Variants in ARHGAP40 observed in about 807,000 individuals in gnomAD.
ARHGAP40 encodes Rho GTPase activating protein 40.
In ARHGAP40, 43 loss-of-function variants were observed where a neutral mutation model predicts 73.5. The ratio of observed to expected loss-of-function variants is 0.58; its 90% confidence interval spans 0.46 to 0.75. The LOEUF is 0.75. ARHGAP40 is among the 30% of genes least tolerant of loss of function. The pLI, the probability that ARHGAP40 is intolerant of heterozygous loss-of-function variation, is 0.00. For synonymous variants in ARHGAP40, 300 were observed against 352.8 expected (o/e 0.85, Z 1.68); for missense variants, 734 against 861.8 (o/e 0.85, Z 1.86).
chr20:38,612,252 A>G (rs1601133998), intron 1 of ARHGAP40, among the ~76,000 whole-genome samples: 1 of 152,346 alleles, frequency 6.6e-6, no homozygotes, highest in East Asian at 1.9e-4. Flanking sequence ...AATCCTTAAT[A>G]TATATTTAGA....
At chr20:38,648,613 GT>G (rs200860020) in intron 13 of ARHGAP40, 29 bp from the exon 14 acceptor site, 173 of 1,071,122 alleles carry the variant, frequency 1.6e-4, no homozygotes, top group Admixed American at 4.8e-4. Flanking sequence ...AAAGGCAGTA[GT>G]TTTTTTTTTC....
intron 5 of ARHGAP40, among the ~76,000 whole-genome samples, chr20:38,631,480 T>G (rs1336270163): frequency 6.6e-6 from 1 of 152,090 alleles, no homozygotes; most frequent in Non-Finnish European, 1.5e-5. Context: ...GAAGAGAGCT[T>G]GTGCAGGGAA....
At chr20:38,630,225 T>A (rs554091668) in intron 5 of ARHGAP40, among the ~76,000 whole-genome samples, 1 of 145,014 alleles carries the variant, frequency 6.9e-6, no homozygotes, top group East Asian at 2.1e-4. Context: ...CTTTCCTTCT[T>A]TTTTTTTTCT....
At chr20:38,638,312 C>A (rs1568610541) in intron 7 of ARHGAP40, among the ~76,000 whole-genome samples, 1 of 151,918 alleles carries the variant, frequency 6.6e-6, no homozygotes, top group Non-Finnish European at 1.5e-5. Flanking sequence ...GAGACTCTCT[C>A]AAAAAATACA....
intron 1 of ARHGAP40, among the ~76,000 whole-genome samples, chr20:38,607,247 C>A (rs779118676): frequency 1.1e-4 from 16 of 152,206 alleles, no homozygotes; most frequent in African/African-American, 4.8e-5. Flanking sequence ...ATCCTCCACT[C>A]ATCATTGGGA....
exon 11 of ARHGAP40, chr20:38,643,768 ATGT>A: frequency 7.7e-7 from 1 of 1,305,858 alleles, no homozygotes; most frequent in African/African-American, 1.5e-5. Flanking sequence ...ACTCTGAGGA[ATGT>A]TTCCACCGTG....
At chr20:38,619,489 G>A (rs541854867) in intron 1 of ARHGAP40, among the ~76,000 whole-genome samples, 1 of 151,750 alleles carries the variant, frequency 6.6e-6, no homozygotes, top group Non-Finnish European at 1.5e-5. Flanking sequence ...AAAAGGGTGT[G>A]AGGAGTGGCT....
At chr20:38,622,704 G>A (rs2088879714) in intron 1 of ARHGAP40, among the ~76,000 whole-genome samples, 1 of 152,176 alleles carries the variant, frequency 6.6e-6, no homozygotes, top group African/African-American at 2.4e-5. Flanking sequence ...TGCCTGCAGA[G>A]GGTCTCCTCT....
intron 1 of ARHGAP40, among the ~76,000 whole-genome samples, chr20:38,615,678 G>A (rs2088832609): frequency 6.6e-6 from 1 of 152,162 alleles, no homozygotes; most frequent in Non-Finnish European, 1.5e-5. Context: ...GGAACATGGA[G>A]CGTGCACACA....
chr20:38,636,098 A>G (rs2088973054), intron 6 of ARHGAP40, among the ~76,000 whole-genome samples: 1 of 152,092 alleles, frequency 6.6e-6, no homozygotes, highest in Non-Finnish European at 1.5e-5. Flanking sequence ...AACTAGTCAC[A>G]TGGCCTAGCA....
chr20:38,608,733 T>G (rs2088787721), intron 1 of ARHGAP40, among the ~76,000 whole-genome samples: 1 of 152,132 alleles, frequency 6.6e-6, no homozygotes, highest in South Asian at 2.1e-4. Context: ...ACAAATTTAG[T>G]GGCTGAAACA....
rs370131123 is a variant in ARHGAP40 at position 38,614,480 on chromosome 20, G to A, written c.138-8879G>A. Reference sequence around the variant, plus strand: ...CTCTGTGACCCATCTCTATAGGAGCGTCTAAATTTAGCCCAAGAAATCAGG... The same window carrying A: ...CTCTGTGACCCATCTCTATAGGAGCATCTAAATTTAGCCCAAGAAATCAGG... On this transcript the variant is annotated intron_variant, in intron 1 of 14. Coordinates refer to ENST00000373345, the Ensembl canonical transcript of ARHGAP40. Among the ~76,000 whole-genome samples the A allele has an allele frequency of 4.6e-5, 7 of 151,962 alleles. No homozygotes were observed. The South Asian group carries it at 8.3e-4, about 18-fold the overall frequency.
At chr20:38,640,583 C>A (rs2089012204) in intron 9 of ARHGAP40, among the ~76,000 whole-genome samples, 1 of 152,160 alleles carries the variant, frequency 6.6e-6, no homozygotes, top group East Asian at 1.9e-4. Flanking sequence ...CCCTCCACAG[C>A]ACTCTTGTAA....
At chr20:38,628,002 G>A (rs1442673483) in intron 3 of ARHGAP40, among the ~76,000 whole-genome samples, 3 of 152,214 alleles carry the variant, frequency 2.0e-5, no homozygotes, top group Non-Finnish European at 4.4e-5. Flanking sequence ...TAATACAGTG[G>A]CGTGACTGCT....
rs757956605 is a variant in ARHGAP40 at position 38,646,043 on chromosome 20, C to A, written c.1570-4C>A. On this transcript the variant is annotated splice_polypyrimidine_tract_variant and splice_region_variant and intron_variant, in intron 11 of 14. Transcript: ENST00000373345. The surrounding 1 kb of genome is among the most constrained non-coding windows in gnomAD (Gnocchi z 4.5). ...CCTGCCAAAACTTGATCCTTTCTGG[C>A]CAGGTCGCCTCTTTCCTGGTCGCCC... 1 of 1,302,304 alleles carries A rather than the reference C, an allele frequency of 7.7e-7. No homozygotes were observed. The highest frequency in any genetic ancestry group is 1.2e-5 in the South Asian group (1 of 80,680). 80.7% of individuals were successfully genotyped at this position (1,302,304 alleles called of 1,614,324 possible).
intron 1 of ARHGAP40, among the ~76,000 whole-genome samples, chr20:38,602,866 G>T (rs893318443): frequency 3.3e-5 from 5 of 152,194 alleles, no homozygotes; most frequent in Non-Finnish European, 5.9e-5. Context: ...TGGCCTGCCA[G>T]GATCCAACTT....
At chr20:38,641,137 G>A (rs910025051) in intron 9 of ARHGAP40, among the ~76,000 whole-genome samples, 1 of 152,020 alleles carries the variant, frequency 6.6e-6, no homozygotes, top group African/African-American at 2.4e-5. Flanking sequence ...ATATGGGGTC[G>A]CAGGCCTGGC....
rs745413373 is a variant in ARHGAP40, at chr20:38,646,937, TTC to T, written c.1711-6_1711-5del. Reference sequence around the variant, plus strand: ...AGCTGACTCTTATGTATATGGATCTTTCTCTCTCTCTCTCTGCAGACTCCCAA... The same window carrying T: ...AGCTGACTCTTATGTATATGGATCTTTCTCTCTCTCTCTGCAGACTCCCAA... On this transcript the variant is annotated intron_variant, in intron 12 of 14. Coordinates refer to ENST00000373345, the Ensembl canonical transcript of ARHGAP40. This position sits in a 1 kb window ranked among gnomAD's most constrained non-coding sequence, Gnocchi z 4.5. 5,141 of 1,126,712 alleles carry T rather than the reference TTC, an allele frequency of 4.6e-3. No homozygotes were observed. Among genetic ancestry groups the T allele is most frequent in the Admixed American group, 0.015 (566 of 37,912 alleles). The allele number at this position is 1,126,712 out of a possible 1,614,324, so 69.8% of individuals were successfully genotyped here.
In ARHGAP40 at chr20:38,602,017, T is replaced by TCGGATCC; in HGVS notation, c.78_84dup (p.Arg29AspfsTer71). ...CAGGGCCCCTAGCCTCACCGTGTCCTCGGATCCCGCGGGCCCGCATTGCCA... is the reference window on the plus strand; with the variant it reads ...CAGGGCCCCTAGCCTCACCGTGTCCTCGGATCCCGGATCCCGCGGGCCCGCATTGCCA... On this transcript the variant is annotated frameshift_variant, in exon 1 of 15. Coordinates refer to ENST00000373345, the Ensembl canonical transcript of ARHGAP40. LOFTEE classifies it high-confidence loss of function. The TCGGATCC allele has an allele frequency of 7.8e-7, 1 of 1,287,534 alleles. No homozygotes were observed. The highest frequency in any genetic ancestry group is 1.2e-5 in the South Asian group (1 of 80,876). The allele number at this position is 1,287,534 out of a possible 1,614,324, so 79.8% of individuals were successfully genotyped here. A position where few individuals can be genotyped will look rare whatever the true frequency, so the allele number is the denominator to read the frequency against.
Sources: allele counts gnomAD v4.1 joint callset (sites outside exome capture counted in the v4.1 genomes callset), GRCh38; gene constraint gnomAD v4.1.1; non-coding constraint Gnocchi (gnomAD v3.1); transcripts MANE v1.5; gene names NCBI Gene and HGNC (gene_info 2026-07-23, HGNC 2026-07-21).